The following GCSAML variants were observed in gnomAD, a reference collection of about 807,000 sequenced individuals.
GCSAML encodes germinal center associated signaling and motility like, also known as germinal center-associated signaling and motility-like protein.
GCSAML carries 9 observed loss-of-function variants against 13.0 expected under a neutral mutation model. That is an observed-to-expected ratio of 0.69 (90% CI 0.42 to 1.21). The LOEUF (loss-of-function observed/expected upper bound fraction) is 1.21. GCSAML is among the 50% of genes most tolerant of loss of function. GCSAML has a pLI of 0.00. For missense variants in GCSAML, 143 were observed against 153.4 expected, an observed-to-expected ratio of 0.93 and a Z score of 0.36; for synonymous variants, 37 against 52.9, an observed-to-expected ratio of 0.70 and a Z score of 1.31.
intron 2 of GCSAML, among the ~76,000 whole-genome samples, chr1:247,540,783 G>A (rs1322717422): frequency 2.0e-5 from 3 of 152,134 alleles, no homozygotes; most frequent in South Asian, 4.1e-4. Flanking sequence ...ACTGCACTCC[G>A]GGTTTTGCAG....
Position 247,572,613 on chromosome 1 carries a change from G to A in GCSAML, c.169-1530G>A, listed in dbSNP as rs1477400513. Among the ~76,000 whole-genome samples the A allele has an allele frequency of 2.6e-5, 4 of 152,186 alleles. No homozygotes were observed. In the East Asian group the frequency reaches 7.7e-4, roughly 29 times the overall value. On this transcript the variant is annotated intron_variant, in intron 4 of 4. Coordinates refer to ENST00000366488, the MANE Select transcript of GCSAML (RefSeq NM_145278.5). ...CAGGGCACCTGCCAGATGCCAGCTG[G>A]AGCTCTCTTGTATGAGGTGTCTGTC... is the stretch of plus-strand genomic sequence containing the variant.
intron 2 of GCSAML, among the ~76,000 whole-genome samples, chr1:247,562,640 A>G (rs1425699111): frequency 6.6e-6 from 1 of 152,124 alleles, no homozygotes; most frequent in Non-Finnish European, 1.5e-5. Flanking sequence ...TGAGGCAGGC[A>G]GCTGATTACA....
intron 2 of GCSAML, among the ~76,000 whole-genome samples, chr1:247,559,019 A>G (rs1668039627): frequency 6.6e-6 from 1 of 152,162 alleles, no homozygotes; most frequent in African/African-American, 2.4e-5. Flanking sequence ...TGGGTTCTTC[A>G]TATGCAAAAT....
chr1:247,531,948 C>T, intron 2 of GCSAML: 3 of 1,614,164 alleles, frequency 1.9e-6, no homozygotes, highest in Non-Finnish European at 2.5e-6. Context: ...CCACACAAGC[C>T]AGTTGCATAA....
chr1:247,571,982 C>A (rs185142934), intron 4 of GCSAML, among the ~76,000 whole-genome samples: 3 of 152,224 alleles, frequency 2.0e-5, no homozygotes, highest in African/African-American at 7.2e-5. Flanking sequence ...CTTTCTTCTG[C>A]CCGATCAATT....
At chr1:247,570,526 T>C (rs1668564020) in intron 4 of GCSAML, among the ~76,000 whole-genome samples, 1 of 152,176 alleles carries the variant, frequency 6.6e-6, no homozygotes, top group South Asian at 2.1e-4. Context: ...TTTGAGTGAG[T>C]TTCTTAATCC....
chr1:247,530,369 A>C (rs1447099774), intron 2 of GCSAML: 1 of 152,094 alleles, frequency 6.6e-6, no homozygotes, highest in Non-Finnish European at 1.5e-5. Context: ...TGTCCTTTAG[A>C]TACACTGTAT....
At chr1:247,514,146 A>C (rs957703105) in intron 1 of GCSAML, among the ~76,000 whole-genome samples, 3 of 152,014 alleles carry the variant, frequency 2.0e-5, no homozygotes, top group African/African-American at 7.2e-5. Context: ...ATGCCCAGCT[A>C]ATTTTTGTGT....
In GCSAML at chr1:247,549,739, G is replaced by A. The variant is rs184549954; in HGVS notation, c.29+519G>A. On this transcript the variant is annotated intron_variant, in intron 1 of 4. Transcript: ENST00000366488. ...TTAGGTCCTTGCAAATTATGGATGC[G>A]GGATATGCATTTGAATGCCTTTGAC... Among the ~76,000 whole-genome samples, 301 of 152,208 alleles carry A rather than the reference G, an allele frequency of 2.0e-3. 3 individuals are homozygous for A. Among genetic ancestry groups the A allele is most frequent in the Non-Finnish European group, 6.0e-4 (41 of 68,014 alleles).
chr1:247,561,483 C>G (rs1238148896), intron 2 of GCSAML, among the ~76,000 whole-genome samples: 1 of 152,056 alleles, frequency 6.6e-6, no homozygotes, highest in Non-Finnish European at 1.5e-5. Context: ...CTATCAAATA[C>G]TAGGAGTTAT....
At chr1:247,572,635 T>C (rs1668660183) in intron 4 of GCSAML, among the ~76,000 whole-genome samples, 1 of 152,214 alleles carries the variant, frequency 6.6e-6, no homozygotes, top group Non-Finnish European at 1.5e-5. Context: ...ATGAGGTGTC[T>C]GTCGATCCCT....
At chr1:247,543,306 C>G (rs900084989) in intron 2 of GCSAML, among the ~76,000 whole-genome samples, 1 of 152,156 alleles carries the variant, frequency 6.6e-6, no homozygotes, top group Non-Finnish European at 1.5e-5. Flanking sequence ...CCACAGTGTA[C>G]TACAATAAGG....
chr1:247,510,802 T>C (rs1666009627), intron 1 of GCSAML, among the ~76,000 whole-genome samples: 1 of 152,220 alleles, frequency 6.6e-6, no homozygotes, highest in African/African-American at 2.4e-5. Flanking sequence ...TGCAGTTTTG[T>C]GGCTTTGAGT....
intron 1 of GCSAML, among the ~76,000 whole-genome samples, chr1:247,522,935 A>AC (rs1261445207): frequency 3.5e-5 from 5 of 143,142 alleles, no homozygotes; most frequent in South Asian, 4.5e-4. Context: ...AAAAAAAAAA[A>AC]CCATAACGTA....
intron 1 of GCSAML, among the ~76,000 whole-genome samples, chr1:247,513,253 C>T (rs1320344382): frequency 6.6e-5 from 10 of 152,200 alleles, no homozygotes; most frequent in African/African-American, 2.4e-4. Context: ...AGCGGCTTTG[C>T]TGAGCTGTGG....
At chr1:247,539,297 A>G (rs1354580040) in intron 2 of GCSAML, among the ~76,000 whole-genome samples, 1 of 152,182 alleles carries the variant, frequency 6.6e-6, no homozygotes, top group Non-Finnish European at 1.5e-5. Flanking sequence ...TGTTCACAAA[A>G]TGGTGTCATT....
intron 2 of GCSAML, among the ~76,000 whole-genome samples, chr1:247,535,715 A>G (rs1306655283): frequency 1.3e-5 from 2 of 152,234 alleles, no homozygotes; most frequent in African/African-American, 4.8e-5. Context: ...AGAAATGTTT[A>G]GTAACTTATC....
At position 247,563,591 on chromosome 1, in the gene GCSAML, C is replaced by A; in HGVS notation, c.91C>A (p.Gln31Lys). ...ATGTTACTATCTCTTTCCTTGTAGGCAGGAAATGACTACATTTGAAAGAAA... is the reference window on the plus strand; with the variant it reads ...ATGTTACTATCTCTTTCCTTGTAGGAAGGAAATGACTACATTTGAAAGAAA... ...KGNPDEERKR[Q>K]EMTTFERKLQ... Residue 31 changes from glutamine to lysine, a missense_variant and splice_region_variant, in exon 3 of 5, where the codon CAG (glutamine) becomes AAG (lysine). Gln to Lys is a moderately conservative substitution (Grantham distance 53). Coordinates refer to ENST00000366488, the MANE Select transcript of GCSAML (RefSeq NM_145278.5). 6.4e-7 allele frequency: 1 copy of A among 1,569,592 alleles called. No individual in the cohort carries two copies. Among genetic ancestry groups the A allele is most frequent in the South Asian group, 1.1e-5 (1 of 89,034 alleles).
chr1:247,522,310 A>G (rs192600317), intron 1 of GCSAML, among the ~76,000 whole-genome samples: 116,529 of 118,430 alleles, frequency 0.98, 57,367 homozygotes, highest in East Asian at 0.99. Context: ...GGGCGCCTCC[A>G]CCTGGCCGCC....
Sources: gnomAD v4.1 joint callset for allele counts (sites outside exome capture counted in the v4.1 genomes callset) on GRCh38, gnomAD v4.1.1 for gene constraint, MANE v1.5 for transcripts, NCBI Gene and HGNC (gene_info 2026-07-23, HGNC 2026-07-21) for gene names.